CASD1: variants seen among roughly 807,000 people sequenced by gnomAD.
CASD1 encodes CAS1 domain sialic acid O acetyltransferase 1, also known as N-acetylneuraminate (7)9-O-acetyltransferase.
In CASD1, 41 loss-of-function variants were observed where a neutral mutation model predicts 100.0. That is an observed-to-expected ratio of 0.41 (90% CI 0.32 to 0.53). The LOEUF is 0.53. Among genes scored for constraint, CASD1 ranks in the 20% least tolerant of loss-of-function variants. The probability of loss-of-function intolerance (pLI) is 0.25; values close to 1 mark genes in which losing one functional copy is unlikely to be tolerated. For synonymous variants in CASD1, 321 were observed against 315.6 expected (o/e 1.02, Z -0.18); for missense variants, 774 against 948.7 (o/e 0.82, Z 2.42).
At chr7:94,590,345 C>T in the CASD1 span, among the ~76,000 whole-genome samples, 5 of 152,242 alleles carry the variant, frequency 3.3e-5, no homozygotes, top group East Asian at 9.6e-4. Context: ...AATTAGGTTA[C>T]CATTTAGCAT....
intron 15 of CASD1, 67 bp from the exon 16 acceptor site, chr7:94,552,283 A>G: frequency 1.9e-6 from 2 of 1,046,370 alleles, no homozygotes; most frequent in South Asian, 1.4e-5. Context: ...TAAAAAAAAA[A>G]CACTGTGAGG....
At chr7:94,533,004 G>A (rs114330592) in intron 5 of CASD1, among the ~76,000 whole-genome samples, 2,251 of 152,126 alleles carry the variant, frequency 0.015, 49 homozygotes, top group African/African-American at 0.051. Context: ...TGTATATGTA[G>A]CGTTACAAGA....
At chr7:94,571,360 A>G in the CASD1 span, among the ~76,000 whole-genome samples, 1 of 151,902 alleles carries the variant, frequency 6.6e-6, no homozygotes, top group South Asian at 2.1e-4. Context: ...TCCCACCCCC[A>G]TTTTTGAAGG....
In CASD1 at chr7:94,556,121, C is replaced by G. The variant is rs1331981620; in HGVS notation, c.*363C>G. 5.8e-6 allele frequency: 1 copy of G among 171,224 alleles called. No individual in the cohort carries two copies. Among genetic ancestry groups the G allele is most frequent in the Non-Finnish European group, 1.2e-5 (1 of 80,096 alleles). 10.6% of individuals were successfully genotyped at this position (171,224 alleles called of 1,614,324 possible). A position where few individuals can be genotyped will look rare whatever the true frequency, so the allele number is the denominator to read the frequency against. On this transcript the variant is annotated 3_prime_UTR_variant, in exon 18 of 18. Coordinates refer to ENST00000297273, the MANE Select transcript of CASD1 (RefSeq NM_022900.5). ...AGATAATTTAATTAACTTAGTGACA[C>G]CACCAAGTGTTTTGATATAACTAAA...
Position 94,549,604 on chromosome 7 carries a change from A to G in CASD1, c.1785A>G (p.Glu595=), listed in dbSNP as rs1795848444. 5 of 1,609,824 alleles carry G rather than the reference A, an allele frequency of 3.1e-6. No individual in the cohort carries two copies. The East Asian group carries it at 9.0e-5, about 29-fold the overall frequency. The change falls in exon 14 of 18, where the codon GAA becomes GAG. Residue 595 remains glutamate, a synonymous_variant. Coordinates refer to ENST00000297273, the MANE Select transcript of CASD1 (RefSeq NM_022900.5). ...TTGAACTGAAAGGGAATGTATATGA[A>G]TGGTGGTTCAGATGGAGGTTAGACC... ...KCFELKGNVY[E]WWFRWRLDRY...
rs754580551 is a variant in CASD1 at position 94,555,679 on chromosome 7, T to C, written c.2315T>C (p.Leu772Ser). The C allele has an allele frequency of 5.0e-6, 8 of 1,613,280 alleles. No individual in the cohort carries two copies. In the East Asian group the frequency reaches 1.8e-4, roughly 36 times the overall value. The change falls in exon 18 of 18, where the codon TTG becomes TCG. Residue 772 changes from leucine to serine, a missense_variant. Coordinates refer to ENST00000297273, the MANE Select transcript of CASD1 (RefSeq NM_022900.5). Reference sequence around the variant, plus strand: ...ATTCCTAAAGATAACTCATCTCTCTTGAAAAGGTTGGCATGTATAGCTGCA... The same window carrying C: ...ATTCCTAAAGATAACTCATCTCTCTCGAAAAGGTTGGCATGTATAGCTGCA... ...IIIPKDNSSL[L>S]KRLACIAAFF...
At chr7:94,607,644 A>G in the CASD1 span, among the ~76,000 whole-genome samples, 1 of 152,292 alleles carries the variant, frequency 6.6e-6, no homozygotes, top group Admixed American at 6.5e-5. Context: ...ATAGAGGGGA[A>G]TTTCCTCAAT....
At chr7:94,566,880 T>G in the CASD1 span, among the ~76,000 whole-genome samples, 572 of 152,236 alleles carry the variant, frequency 3.8e-3, 3 homozygotes, top group African/African-American at 0.013. Context: ...AGCCAGGTCT[T>G]AACTACCCCT....
intron 8 of CASD1, among the ~76,000 whole-genome samples, chr7:94,536,341 G>T (rs532486585): frequency 2.6e-5 from 4 of 152,292 alleles, no homozygotes; most frequent in African/African-American, 7.2e-5. Flanking sequence ...TATGGAAAGG[G>T]ATTTAGGTTA....
intron 1 of CASD1, among the ~76,000 whole-genome samples, chr7:94,513,161 A>T (rs1329674987): frequency 1.3e-5 from 2 of 151,766 alleles, no homozygotes; most frequent in East Asian, 3.9e-4. Context: ...ACATGGTGAA[A>T]CCTCTTCTTC....
chr7:94,564,728 C>G, the CASD1 span, among the ~76,000 whole-genome samples: 9 of 152,110 alleles, frequency 5.9e-5, no homozygotes, highest in South Asian at 2.1e-4. Flanking sequence ...CATGAAAATA[C>G]TTTGGGTCTT....
chr7:94,567,031 A>G, the CASD1 span, among the ~76,000 whole-genome samples: 1 of 151,638 alleles, frequency 6.6e-6, no homozygotes, highest in Non-Finnish European at 1.5e-5. Flanking sequence ...GAATGGCTAT[A>G]CTCCAGATAT....
At chr7:94,619,001 C>G in the CASD1 span, 1 of 1,332,372 alleles carries the variant, frequency 7.5e-7, no homozygotes, top group Non-Finnish European at 1.1e-6. Context: ...ATGAAGTAGT[C>G]TTTTAAAAAG....
chr7:94,528,283 T>A (rs1258565776), intron 5 of CASD1, 33 bp downstream of exon 5: 5 of 1,419,544 alleles, frequency 3.5e-6, no homozygotes, highest in African/African-American at 2.9e-5. Context: ...CTTTTTTTTT[T>A]TTTATTTTTA....
chr7:94,518,141 C>G, intron 2 of CASD1, 62 bp from the exon 3 acceptor site: 1 of 1,424,430 alleles, frequency 7.0e-7, no homozygotes, highest in Non-Finnish European at 9.3e-7. Context: ...AAACGGTGTG[C>G]TTTGAAATGC....
At chr7:94,612,755 C>G in the CASD1 span, among the ~76,000 whole-genome samples, 1 of 152,084 alleles carries the variant, frequency 6.6e-6, no homozygotes, top group Admixed American at 6.6e-5. Context: ...ATGTTCCAAA[C>G]TGAGCTCATC....
At chr7:94,591,369 A>G in the CASD1 span, among the ~76,000 whole-genome samples, 3 of 152,136 alleles carry the variant, frequency 2.0e-5, no homozygotes, top group Admixed American at 6.6e-5. Context: ...AACACAGTGC[A>G]CCTTCTACAC....
At chr7:94,545,507 T>C in intron 11 of CASD1, 38 bp from the exon 12 acceptor site, 1 of 1,533,726 alleles carries the variant, frequency 6.5e-7, no homozygotes, top group Non-Finnish European at 9.0e-7. Context: ...TGAAAACAAT[T>C]ACTTAGAATG....
chr7:94,541,385 A>G (rs1562944670), intron 10 of CASD1, among the ~76,000 whole-genome samples: 1 of 151,938 alleles, frequency 6.6e-6, no homozygotes, highest in Non-Finnish European at 1.5e-5. Flanking sequence ...CTAGAGAATT[A>G]TTAAAATAAT....
Sources: gnomAD v4.1 joint callset for allele counts (sites outside exome capture counted in the v4.1 genomes callset) on GRCh38, gnomAD v4.1.1 for gene constraint, MANE v1.5 for transcripts, NCBI Gene and HGNC (gene_info 2026-07-23, HGNC 2026-07-21) for gene names.